Variants in TCF4 observed in about 807,000 individuals in gnomAD.
The protein encoded by TCF4 is transcription factor 4, also known as SL3-3 enhancer factor 2.
A neutral mutation model predicts 82.1 loss-of-function variants in TCF4; 3 were observed. The observed-to-expected ratio is 0.04, with a 90% CI of 0.02 to 0.09. TCF4 has a LOEUF of 0.09. Among genes scored for constraint, TCF4 ranks in the 10% least tolerant of loss-of-function variants. The pLI, the probability that TCF4 is intolerant of heterozygous loss-of-function variation, is 1.00. For missense variants in TCF4, 518 were observed against 852.7 expected, an observed-to-expected ratio of 0.61 and a Z score of 4.89; for synonymous variants, 276 against 309.6, an observed-to-expected ratio of 0.89 and a Z score of 1.14.
intron 2 of TCF4, among the ~76,000 whole-genome samples, chr18:55,599,258 G>C (rs1326425218): frequency 6.6e-6 from 1 of 152,146 alleles, no homozygotes; most frequent in African/African-American, 2.4e-5. Context: ...TTCCTTCCAT[G>C]ATCCAACTTC....
intron 5 of TCF4, among the ~76,000 whole-genome samples, chr18:55,412,962 T>C (rs1005276763): frequency 3.9e-5 from 6 of 152,206 alleles, no homozygotes; most frequent in African/African-American, 7.2e-5. Context: ...GTAGTCTACA[T>C]AGGCACTTAG....
At chr18:55,533,066 C>T (rs1457734053) in intron 3 of TCF4, among the ~76,000 whole-genome samples, 1 of 152,142 alleles carries the variant, frequency 6.6e-6, no homozygotes, top group Admixed American at 6.5e-5. Context: ...TCAAGTGGCA[C>T]AATGGAACAA....
intron 1 of TCF4, among the ~76,000 whole-genome samples, chr18:55,632,414 T>G (rs1244436793): frequency 1.3e-5 from 2 of 152,176 alleles, no homozygotes; most frequent in African/African-American, 2.4e-5. Flanking sequence ...ATACAGGGAA[T>G]AGAGACAAGA....
intron 3 of TCF4, among the ~76,000 whole-genome samples, chr18:55,490,049 T>A (rs1337008528): frequency 1.3e-5 from 2 of 152,202 alleles, no homozygotes; most frequent in Admixed American, 6.5e-5. Context: ...GTTTCAAACC[T>A]TTTTGTGGGT....
At chr18:55,379,889 G>C (rs745385806) in intron 6 of TCF4, among the ~76,000 whole-genome samples, 4 of 152,044 alleles carry the variant, frequency 2.6e-5, no homozygotes, top group Non-Finnish European at 4.4e-5. Flanking sequence ...GAGGGGTTGG[G>C]GAGAGAGAGG....
At chr18:55,306,307 C>A (rs1237853558) in intron 8 of TCF4, among the ~76,000 whole-genome samples, 2 of 152,074 alleles carry the variant, frequency 1.3e-5, no homozygotes, top group African/African-American at 4.8e-5. Context: ...AAAAAAGAAA[C>A]CACAGCTATA....
intron 5 of TCF4, among the ~76,000 whole-genome samples, chr18:55,440,274 A>G (rs530947208): frequency 6.6e-6 from 1 of 152,290 alleles, no homozygotes; most frequent in African/African-American, 2.4e-5. Flanking sequence ...TGATGCGGGT[A>G]TGTTTTTCCT....
intron 6 of TCF4, among the ~76,000 whole-genome samples, chr18:55,364,210 T>C (rs1327884339): frequency 1.3e-5 from 2 of 152,194 alleles, no homozygotes; most frequent in Non-Finnish European, 2.9e-5. Flanking sequence ...TTTAACTCTA[T>C]GGATAATATT....
At chr18:55,468,887 C>CT (rs1568136706) in intron 3 of TCF4, among the ~76,000 whole-genome samples, 7 of 123,990 alleles carry the variant, frequency 5.6e-5, no homozygotes, top group East Asian at 2.5e-4. Flanking sequence ...TCTCGCCCCC[C>CT]CCCCCCTTGT....
At chr18:55,360,623 C>T (rs1223186197) in intron 6 of TCF4, among the ~76,000 whole-genome samples, 1 of 151,870 alleles carries the variant, frequency 6.6e-6, no homozygotes, top group Non-Finnish European at 1.5e-5. Context: ...ATCAACCATA[C>T]ATAATATGTA....
chr18:55,391,921 G>A (rs2093138771), intron 6 of TCF4, among the ~76,000 whole-genome samples: 3 of 130,792 alleles, frequency 2.3e-5, no homozygotes, highest in Admixed American at 1.7e-4. Flanking sequence ...CTGGGCGACA[G>A]AGTGAGACTT....
intron 3 of TCF4, among the ~76,000 whole-genome samples, chr18:55,484,637 G>A (rs2096489889): frequency 6.6e-6 from 1 of 152,186 alleles, no homozygotes; most frequent in African/African-American, 2.4e-5. Flanking sequence ...TCCTTGTGTG[G>A]ACAGAACATC....
intron 5 of TCF4, among the ~76,000 whole-genome samples, chr18:55,451,236 T>C (rs2095616724): frequency 6.6e-6 from 1 of 152,112 alleles, no homozygotes; most frequent in Non-Finnish European, 1.5e-5. Flanking sequence ...CAGACGAAAA[T>C]GACAGATGAC....
At chr18:55,607,335 A>G (rs2097703085) in intron 2 of TCF4, among the ~76,000 whole-genome samples, 1 of 152,230 alleles carries the variant, frequency 6.6e-6, no homozygotes, top group Non-Finnish European at 1.5e-5. Context: ...ATTGAATTTG[A>G]TGCTGAATTT....
upstream of TCF4, chr18:55,589,914 C>G (rs1035815810): frequency 1.2e-6 from 1 of 857,952 alleles, no homozygotes; most frequent in African/African-American, 1.8e-5. Context: ...GAGAGGCGGC[C>G]AAGATGGCGG....
chr18:55,578,810 T>C (rs2097551136), intron 3 of TCF4, among the ~76,000 whole-genome samples: 1 of 152,020 alleles, frequency 6.6e-6, no homozygotes, highest in Non-Finnish European at 1.5e-5. Context: ...ATAAACTACA[T>C]ATAGTAATTA....
chr18:55,363,579 G>A (rs2086060072), intron 6 of TCF4, among the ~76,000 whole-genome samples: 1 of 152,118 alleles, frequency 6.6e-6, no homozygotes. Context: ...CGAGGCAGGT[G>A]GATCATTTGA....
intron 10 of TCF4, among the ~76,000 whole-genome samples, chr18:55,270,522 T>C (rs2060125473): frequency 6.6e-6 from 1 of 152,106 alleles, no homozygotes; most frequent in Non-Finnish European, 1.5e-5. Context: ...TGGTTAAATA[T>C]CTCTCTTACT....
intron 15 of TCF4, among the ~76,000 whole-genome samples, chr18:55,238,536 C>A (rs775257620): frequency 6.6e-6 from 1 of 151,996 alleles, no homozygotes; most frequent in Non-Finnish European, 1.5e-5. Context: ...GTATGCTGAT[C>A]AATTTAGTGG....
Sources: gnomAD v4.1 joint callset for allele counts (sites outside exome capture counted in the v4.1 genomes callset) on GRCh38, gnomAD v4.1.1 for gene constraint, MANE v1.5 for transcripts, NCBI Gene and HGNC (gene_info 2026-07-23, HGNC 2026-07-21) for gene names.